The following DYSF variants were observed in gnomAD, a reference collection of about 807,000 sequenced individuals.
DYSF encodes the protein dysferlin, also known as dystrophy-associated fer-1-like 1.
Under a neutral mutation model 274.9 loss-of-function variants are expected in DYSF, and 212 were observed. That is an observed-to-expected ratio of 0.77 (90% CI 0.69 to 0.86). The LOEUF is 0.86. Among genes scored for constraint, DYSF ranks in the 40% least tolerant of loss-of-function variants. The probability of loss-of-function intolerance (pLI) is 0.00; values close to 1 mark genes in which losing one functional copy is unlikely to be tolerated. For missense variants in DYSF, 2,666 were observed against 2,783.2 expected, an observed-to-expected ratio of 0.96 and a Z score of 0.95; for synonymous variants, 1,091 against 1,078.7, an observed-to-expected ratio of 1.01 and a Z score of -0.22.
chr2:71,531,684 C>T (rs757715247), intron 14 of DYSF, among the ~76,000 whole-genome samples: 8 of 151,854 alleles, frequency 5.3e-5, no homozygotes, highest in African/African-American at 9.7e-5. Context: ...TTGGCGACTT[C>T]GCTGTTTAAA....
At chr2:71,645,335 C>T (rs747655268) in intron 42 of DYSF, among the ~76,000 whole-genome samples, 4 of 152,054 alleles carry the variant, frequency 2.6e-5, no homozygotes, top group African/African-American at 7.2e-5. Flanking sequence ...CCCCTGGAGT[C>T]GCGCTGCTCA....
At chr2:71,513,445 G>T (rs2086314406) in intron 6 of DYSF, 113 bp downstream of exon 6, 1 of 1,152,816 alleles carries the variant, frequency 8.7e-7, no homozygotes, top group Non-Finnish European at 1.2e-6. Context: ...TCCTCCTGCA[G>T]GACTTGGCGG....
chr2:71,618,392 T>TGTGTGTTTGGTAGAG (rs2093982059), intron 40 of DYSF, among the ~76,000 whole-genome samples: 1 of 74,398 alleles, frequency 1.3e-5, no homozygotes, highest in African/African-American at 5.0e-5. Flanking sequence ...AGAGGTGGTG[T>TGTGTGTTTGGTAGAG]GTGTGTGTGT....
At chr2:71,657,134 A>C (rs939699688) in intron 43 of DYSF, among the ~76,000 whole-genome samples, 4 of 152,206 alleles carry the variant, frequency 2.6e-5, no homozygotes, top group Non-Finnish European at 5.9e-5. Flanking sequence ...TATTGGGTAA[A>C]TACAGCCATT....
intron 4 of DYSF, among the ~76,000 whole-genome samples, chr2:71,509,138 G>A (rs1303471167): frequency 1.3e-5 from 2 of 152,124 alleles, no homozygotes; most frequent in Admixed American, 6.6e-5. Context: ...TTACAGGCGT[G>A]AGCCACTGTG....
At chr2:71,559,053 T>C (rs145244188) in intron 22 of DYSF, among the ~76,000 whole-genome samples, 369 of 152,302 alleles carry the variant, frequency 2.4e-3, no homozygotes, top group Non-Finnish European at 3.5e-3. Flanking sequence ...AGCATCGGTG[T>C]TCCTCATTCC....
chr2:71,467,673 G>T (rs2081634694), intron 1 of DYSF, among the ~76,000 whole-genome samples: 1 of 152,126 alleles, frequency 6.6e-6, no homozygotes, highest in South Asian at 2.1e-4. Flanking sequence ...GAAGAGGAAG[G>T]ATCTGTCAAA....
intron 46 of DYSF, 61 bp from the exon 47 acceptor site, chr2:71,665,101 C>T: frequency 6.2e-7 from 1 of 1,609,540 alleles, no homozygotes; most frequent in Non-Finnish European, 8.5e-7. Context: ...TCCCTGCATG[C>T]CCCTCTACCC....
chr2:71,663,902 C>T (rs1427700349), intron 45 of DYSF, among the ~76,000 whole-genome samples: 2 of 152,150 alleles, frequency 1.3e-5, no homozygotes, highest in African/African-American at 4.8e-5. Flanking sequence ...TACCAGTCGT[C>T]GGTAAATTCC....
At position 71,656,277 on chromosome 2, in the gene DYSF, T is replaced by C; in HGVS notation, c.4742T>C (p.Ile1581Thr). 1.9e-6 allele frequency: 3 copies of C among 1,614,150 alleles called. No individual in the cohort carries two copies. In the East Asian group the frequency reaches 6.7e-5, roughly 36 times the overall value. The change falls in exon 43 of 56, where the codon ATT (isoleucine) becomes ACT (threonine). Residue 1581 changes from isoleucine to threonine, a missense_variant. Transcript: ENST00000410020. ...TQEETEDPSV[I>T]GEFKGLFKIY... The stretch of plus-strand genomic sequence containing the variant: ...GAGGAGACAGAAGATCCATCTGTGA[T>C]TGGTGAATTTAAGGTAAATCCTCGA...
At chr2:71,669,836 C>A in intron 51 of DYSF, 90 bp downstream of exon 51, 1 of 1,548,946 alleles carries the variant, frequency 6.5e-7, no homozygotes, top group South Asian at 1.1e-5. Context: ...TGGCAACTGT[C>A]ACAATCTCAC....
chr2:71,666,466 T>C (rs1229527608), intron 47 of DYSF, among the ~76,000 whole-genome samples: 1 of 152,198 alleles, frequency 6.6e-6, no homozygotes, highest in African/African-American at 2.4e-5. Flanking sequence ...TGAACACATG[T>C]GTGTGTACAT....
chr2:71,513,974 G>A, intron 7 of DYSF, 53 bp downstream of exon 7: 1 of 1,606,880 alleles, frequency 6.2e-7, no homozygotes, highest in Non-Finnish European at 8.5e-7. Context: ...ATCAGCTGCG[G>A]GTGCCAGGCA....
At position 71,511,665 on chromosome 2, in the gene DYSF, G is replaced by C. The variant is rs1433983467; in HGVS notation, c.346-142G>C. The C allele has an allele frequency of 1.2e-4, 81 of 703,204 alleles. No homozygotes were observed. In the Admixed American group the frequency reaches 1.6e-3, roughly 14 times the overall value. 43.6% of individuals were successfully genotyped at this position (703,204 alleles called of 1,614,324 possible). ...CTATGCTGATAGGTCCCTTGGGGTG[G>C]CTTTGCCACAGCCTCCTGCAAACCT... On this transcript the variant is annotated intron_variant, in intron 4 of 55. Coordinates refer to ENST00000410020, the MANE Select transcript of DYSF (RefSeq NM_001130987.2).
Position 71,570,216 on chromosome 2 carries a change from G to A in DYSF, c.2980-13G>A. 2 of 1,612,840 alleles carry A rather than the reference G, an allele frequency of 1.2e-6. No homozygotes were observed. The highest frequency in any genetic ancestry group is 1.7e-6 in the Non-Finnish European group (2 of 1,178,832). The stretch of plus-strand genomic sequence containing the variant: ...TCTCCTCTCATTGCTTGCCTGTTCG[G>A]TTTTGTCCTTAGAACGGGGAGAAGG... On this transcript the variant is annotated splice_polypyrimidine_tract_variant and intron_variant, in intron 27 of 55. Transcript: ENST00000410020.
intron 3 of DYSF, among the ~76,000 whole-genome samples, chr2:71,498,289 G>A (rs1270766156): frequency 6.6e-6 from 1 of 152,168 alleles, no homozygotes; most frequent in Non-Finnish European, 1.5e-5. Flanking sequence ...ATGAAGACCT[G>A]CCTGTTCAGC....
exon 1 of DYSF, chr2:71,453,648 A>C: frequency 2.8e-6 from 1 of 355,074 alleles, no homozygotes; most frequent in East Asian, 6.8e-5. Flanking sequence ...CCAGGTGCAA[A>C]ATGCCGTGTC....
intron 41 of DYSF, among the ~76,000 whole-genome samples, chr2:71,624,121 A>G (rs1278965252): frequency 2.0e-5 from 3 of 152,184 alleles, no homozygotes; most frequent in Non-Finnish European, 2.9e-5. Context: ...TCATAGATAC[A>G]ATGCCCTTCC....
At chr2:71,568,118 T>G (rs772195188) in intron 25 of DYSF, 36 bp downstream of exon 25, 2 of 1,614,182 alleles carry the variant, frequency 1.2e-6, no homozygotes, top group South Asian at 1.1e-5. Context: ...TGCCTCCCAC[T>G]ACCTGGAGCT....
Sources: gnomAD v4.1 joint callset for allele counts (sites outside exome capture counted in the v4.1 genomes callset) on GRCh38, gnomAD v4.1.1 for gene constraint, MANE v1.5 for transcripts, NCBI Gene and HGNC (gene_info 2026-07-23, HGNC 2026-07-21) for gene names.